Variants in PID1 observed in about 807,000 individuals in gnomAD.
PID1 encodes PTB-containing, cubilin and LRP1-interacting protein.
A neutral mutation model predicts 19.1 loss-of-function variants in PID1; 10 were observed. The observed-to-expected ratio is 0.52, with a 90% CI of 0.32 to 0.89. The LOEUF (loss-of-function observed/expected upper bound fraction) is 0.89, where lower values mean the gene tolerates loss of function less well. PID1 is among the 40% of genes least tolerant of loss of function. The probability of loss-of-function intolerance (pLI) is 0.03; values close to 1 mark genes in which losing one functional copy is unlikely to be tolerated. For missense variants in PID1, 248 were observed against 285.3 expected, an observed-to-expected ratio of 0.87 and a Z score of 0.94; for synonymous variants, 130 against 116.0, an observed-to-expected ratio of 1.12 and a Z score of -0.78.
intron 2 of PID1, among the ~76,000 whole-genome samples, chr2:229,043,878 T>C (rs1009236622): frequency 2.6e-5 from 4 of 152,054 alleles, no homozygotes; most frequent in African/African-American, 9.7e-5. Context: ...GTGAACCACA[T>C]TAGAAGAAAT....
chr2:229,270,116 G>T (rs1474133467), intron 1 of PID1, among the ~76,000 whole-genome samples: 3 of 152,206 alleles, frequency 2.0e-5, no homozygotes, highest in Non-Finnish European at 2.9e-5. Context: ...TATTTTACCA[G>T]TTAAACACGT....
rs3084671 is a variant in PID1 at position 229,260,463 on chromosome 2, C to CATATAT, written c.30+10545_30+10550dup. Among the ~76,000 whole-genome samples, 288 of 147,882 alleles carry CATATAT rather than the reference C, an allele frequency of 1.9e-3. 2 individuals are homozygous for CATATAT. The highest frequency in any genetic ancestry group is 7.3e-3 in the Middle Eastern group (2 of 274). ...TAAAGTAGAATTTTTTAAAAAGTTG[C>CATATAT]ATATATATATATATATGTATATATG... On this transcript the variant is annotated intron_variant, in intron 1 of 2. Transcript: ENST00000392055.
chr2:229,164,876 A>G (rs1241267397), intron 1 of PID1, among the ~76,000 whole-genome samples: 1 of 152,238 alleles, frequency 6.6e-6, no homozygotes, highest in African/African-American at 2.4e-5. Flanking sequence ...AGAACTTCAC[A>G]GAGAGAGAAT....
chr2:229,065,483 A>T (rs1237586692), intron 2 of PID1, among the ~76,000 whole-genome samples: 3 of 152,104 alleles, frequency 2.0e-5, no homozygotes, highest in Non-Finnish European at 4.4e-5. Context: ...TCTCATTTCT[A>T]TTATAAATTT....
At chr2:229,124,689 T>C (rs988402060) in intron 2 of PID1, among the ~76,000 whole-genome samples, 1 of 152,112 alleles carries the variant, frequency 6.6e-6, no homozygotes, top group Non-Finnish European at 1.5e-5. Context: ...AAAAAAAAAC[T>C]TTAAGTCAAA....
At chr2:229,120,995 A>C (rs937114404) in intron 2 of PID1, among the ~76,000 whole-genome samples, 2 of 152,158 alleles carry the variant, frequency 1.3e-5, no homozygotes, top group African/African-American at 4.8e-5. Context: ...ACCAGAAGCC[A>C]AACAGGTGTC....
chr2:229,150,314 C>T (rs1690224823), intron 2 of PID1, among the ~76,000 whole-genome samples: 1 of 151,902 alleles, frequency 6.6e-6, no homozygotes, highest in African/African-American at 2.4e-5. Flanking sequence ...TAGCCCTGTT[C>T]ACCTCGGACA....
chr2:229,035,835 A>G (rs1693652410), intron 2 of PID1, among the ~76,000 whole-genome samples: 2 of 152,192 alleles, frequency 1.3e-5, no homozygotes, highest in Admixed American at 1.3e-4. Flanking sequence ...CACCCTACCA[A>G]GGCTTTTTAA....
At chr2:229,053,080 T>A (rs10176362) in intron 2 of PID1, among the ~76,000 whole-genome samples, 33,415 of 152,150 alleles carry the variant, frequency 0.22, 6,514 homozygotes, top group African/African-American at 0.52. Flanking sequence ...AATAGAACAC[T>A]TATAAACGTA....
intron 2 of PID1, among the ~76,000 whole-genome samples, chr2:229,043,132 A>G (rs1446143593): frequency 6.6e-6 from 1 of 151,746 alleles, no homozygotes; most frequent in East Asian, 1.9e-4. Flanking sequence ...CAGCCTCCAG[A>G]GTAGCTGTGA....
At chr2:229,150,916 T>C (rs1431765574) in intron 2 of PID1, among the ~76,000 whole-genome samples, 1 of 151,488 alleles carries the variant, frequency 6.6e-6, no homozygotes, top group Non-Finnish European at 1.5e-5. Flanking sequence ...GGTAAAATCA[T>C]ATGATATTTT....
Position 229,231,024 on chromosome 2 carries a change from G to C in PID1, c.30+39990C>G, listed in dbSNP as rs1692193640. 2.0e-5 allele frequency among the ~76,000 whole-genome samples: 3 copies of C among 152,028 alleles called. No homozygotes were observed. In the South Asian group the frequency reaches 6.2e-4, roughly 32 times the overall value. On this transcript the variant is annotated intron_variant, in intron 1 of 2. Coordinates refer to ENST00000392055, the MANE Select transcript of PID1 (RefSeq NM_001100818.2). ...TCTTACTTTTTTAATGGCAAGGCATGTCCAGCCATGAAGCAACCACAGCCA... is the reference window on the plus strand; with the variant it reads ...TCTTACTTTTTTAATGGCAAGGCATCTCCAGCCATGAAGCAACCACAGCCA...
intron 1 of PID1, among the ~76,000 whole-genome samples, chr2:229,235,195 G>A (rs574714072): frequency 3.3e-5 from 5 of 152,292 alleles, no homozygotes; most frequent in East Asian, 1.9e-4. Flanking sequence ...CCCCTGTGGC[G>A]GGAGGAGCTC....
chr2:229,110,319 C>A (rs1298822061), intron 2 of PID1, among the ~76,000 whole-genome samples: 4 of 152,070 alleles, frequency 2.6e-5, no homozygotes, highest in Non-Finnish European at 5.9e-5. Flanking sequence ...TAAGAGGACC[C>A]CAAAATGGGA....
At chr2:229,061,919 T>C (rs72990903) in intron 2 of PID1, among the ~76,000 whole-genome samples, 11,975 of 152,046 alleles carry the variant, frequency 0.079, 539 homozygotes, top group Middle Eastern at 0.13. Flanking sequence ...AGAAACACTA[T>C]TGATTTTTGT....
At chr2:229,089,975 C>T (rs1337447133) in intron 2 of PID1, among the ~76,000 whole-genome samples, 2 of 152,170 alleles carry the variant, frequency 1.3e-5, no homozygotes, top group East Asian at 3.9e-4. Flanking sequence ...AAGTAAAAAA[C>T]CCATTTGGTT....
intron 1 of PID1, among the ~76,000 whole-genome samples, chr2:229,169,205 C>T (rs910437785): frequency 6.6e-6 from 1 of 152,144 alleles, no homozygotes; most frequent in Non-Finnish European, 1.5e-5. Context: ...TTTCTTACCC[C>T]TTTGTATTGC....
At chr2:229,224,509 T>C (rs1485477370) in intron 1 of PID1, among the ~76,000 whole-genome samples, 3 of 152,188 alleles carry the variant, frequency 2.0e-5, no homozygotes, top group Non-Finnish European at 4.4e-5. Context: ...TGGTATATTA[T>C]ATAAATTTTT....
At chr2:229,221,143 G>T (rs1259336144) in intron 1 of PID1, among the ~76,000 whole-genome samples, 1 of 152,032 alleles carries the variant, frequency 6.6e-6, no homozygotes, top group Admixed American at 6.5e-5. Flanking sequence ...TTTTGAGTAG[G>T]GTGGCCAACT....
Sources: gnomAD v4.1 joint callset for allele counts (sites outside exome capture counted in the v4.1 genomes callset) on GRCh38, gnomAD v4.1.1 for gene constraint, MANE v1.5 for transcripts, NCBI Gene and HGNC (gene_info 2026-07-23, HGNC 2026-07-21) for gene names.